The following KRTAP9-9 variants were observed in gnomAD, a reference collection of about 807,000 sequenced individuals.
The protein encoded by KRTAP9-9 is keratin associated protein 9-9, also known as keratin-associated protein 9-9.
Under a neutral mutation model 13.7 loss-of-function variants are expected in KRTAP9-9, and 12 were observed. The observed-to-expected ratio is 0.88, with a 90% CI of 0.56 to 1.42. The LOEUF is 1.42. Ranked by LOEUF, KRTAP9-9 falls within the 40% of genes most tolerant of loss-of-function variation. The pLI, the probability that KRTAP9-9 is intolerant of heterozygous loss-of-function variation, is 0.00. For synonymous variants in KRTAP9-9, 81 were observed against 78.1 expected (o/e 1.04, Z -0.19); for missense variants, 194 against 206.5 (o/e 0.94, Z 0.37).
At chr17:41,256,014 G>T (rs2016318046) in exon 1 of KRTAP9-9, 1 of 1,524,028 alleles carries the variant, frequency 6.6e-7, no homozygotes, top group East Asian at 2.3e-5. Context: ...AAATTTTTAT[G>T]AATTCTCTGC....
At chr17:41,255,466 C>A in the KRTAP9-9 span, 3 of 1,588,698 alleles carry the variant, frequency 1.9e-6, no homozygotes, top group South Asian at 3.4e-5. Flanking sequence ...TGACCACCTG[C>A]AGCAGCACAC....
chr17:41,255,553 C>T (rs1181978549), exon 1 of KRTAP9-9: 3 of 1,613,784 alleles, frequency 1.9e-6, no homozygotes, highest in East Asian at 4.5e-5. Flanking sequence ...AAAACACCTG[C>T]TGCAGGACCA....
chr17:41,256,256 T>G, exon 1 of KRTAP9-9: 1 of 359,114 alleles, frequency 2.8e-6, no homozygotes. Flanking sequence ...ATACTCATGA[T>G]TCTTGTATCC....
chr17:41,255,947 A>G (rs2016316631), exon 1 of KRTAP9-9: 2 of 1,597,230 alleles, frequency 1.3e-6, no homozygotes, highest in Non-Finnish European at 1.7e-6. Context: ...TGCTCAACTG[A>G]CTTATCTTTT....
exon 1 of KRTAP9-9, chr17:41,255,708 C>T (rs1213787085): frequency 1.2e-6 from 2 of 1,613,708 alleles, no homozygotes; most frequent in African/African-American, 1.3e-5. Context: ...TCCTGTGCAC[C>T]TGTGTACTGC....
At chr17:41,255,501 T>C in exon 1 of KRTAP9-9, 1 of 1,611,752 alleles carries the variant, frequency 6.2e-7, no homozygotes, top group Non-Finnish European at 8.5e-7. Context: ...TCCTGCTGTG[T>C]GTCTAGCTGC....
exon 1 of KRTAP9-9, chr17:41,256,200 T>C: frequency 3.7e-6 from 2 of 533,860 alleles, no homozygotes; most frequent in Non-Finnish European, 3.4e-6. Flanking sequence ...AAACTTAAGT[T>C]GCTGCAAATG....
At chr17:41,255,548 A>T in exon 1 of KRTAP9-9, 1 of 1,613,690 alleles carries the variant, frequency 6.2e-7, no homozygotes, top group Non-Finnish European at 8.5e-7. Flanking sequence ...CTGTCAAAAC[A>T]CCTGCTGCAG....
At position 41,255,686 on chromosome 17, in the gene KRTAP9-9, G is replaced by T. The variant is rs569192375; in HGVS notation, c.301G>T (p.Gly101Cys). Reference sequence around the variant, plus strand: ...CCAAACCAGCTGTGGGTCCAGCTGTGGCCAGAGCAGCTCCTGTGCACCTGT... The same window carrying T: ...CCAAACCAGCTGTGGGTCCAGCTGTTGCCAGAGCAGCTCCTGTGCACCTGT... Residue 101 changes from glycine to cysteine, a missense_variant, in exon 1 of 1, where the codon GGC (glycine) becomes TGC (cysteine). Coordinates refer to ENST00000394008, the Ensembl canonical transcript of KRTAP9-9. 1.3e-3 allele frequency: 2,092 copies of T among 1,612,872 alleles called. 26 individuals carry two copies. In the African/African-American group the frequency reaches 0.024, roughly 19 times the overall value.
chr17:41,256,159 A>C (rs1424618987), exon 1 of KRTAP9-9: 22 of 638,134 alleles, frequency 3.4e-5, no homozygotes, highest in Middle Eastern at 4.3e-4. Context: ...CTTTGACTCA[A>C]AAGTCAAGAG....
exon 1 of KRTAP9-9, chr17:41,255,384 C>A (rs577081249): frequency 1.0e-5 from 16 of 1,595,918 alleles, no homozygotes; most frequent in East Asian, 9.0e-5. Flanking sequence ...ACCCCTGACA[C>A]CATGACCCAC....
chr17:41,256,247 T>G, exon 1 of KRTAP9-9: 1 of 388,764 alleles, frequency 2.6e-6, no homozygotes, highest in East Asian at 5.2e-5. Flanking sequence ...CTTTTCAATA[T>G]ACTCATGATT....
In KRTAP9-9 at chr17:41,256,022, T is replaced by C. The variant is rs946983408; in HGVS notation, c.*127T>C. 25 of 1,515,940 alleles carry C rather than the reference T, an allele frequency of 1.6e-5. No individual in the cohort carries two copies. In the Admixed American group the frequency reaches 4.6e-4, roughly 28 times the overall value. 93.9% of individuals were successfully genotyped at this position (1,515,940 alleles called of 1,614,324 possible). On this transcript the variant is annotated 3_prime_UTR_variant, in exon 1 of 1. Transcript: ENST00000394008. ...CTCACCCAAATTTTTATGAATTCTC[T>C]GCATATTTAAAATCTTGTGAATCAG...
exon 1 of KRTAP9-9, chr17:41,255,581 T>G: frequency 1.2e-6 from 2 of 1,613,762 alleles, no homozygotes; most frequent in Non-Finnish European, 1.7e-6. Context: ...CCAGCCCACC[T>G]GTCTGACCAG....
Position 41,255,732 on chromosome 17 carries a change from A to G in KRTAP9-9, c.347A>G (p.Tyr116Cys), listed in dbSNP as rs771073194. The change falls in exon 1 of 1, where the codon TAC becomes TGC. Residue 116 changes from tyrosine (Y) to cysteine (C), a missense_variant. Tyr to Cys is a radical substitution (Grantham distance 194, BLOSUM62 -2). Coordinates refer to ENST00000394008, the Ensembl canonical transcript of KRTAP9-9. ...CCTGTGTACTGCAGAAGAACCTGCT[A>G]CTACCCGACGACTGTCTGCCTGCCT... The G allele has an allele frequency of 4.3e-6, 7 of 1,612,908 alleles. No individual in the cohort carries two copies. In the East Asian group the frequency reaches 1.6e-4, roughly 36 times the overall value.
At chr17:41,255,399 G>A in exon 1 of KRTAP9-9, 2 of 1,319,760 alleles carry the variant, frequency 1.5e-6, no homozygotes, top group Non-Finnish European at 2.0e-6. Flanking sequence ...ACCCACTGTT[G>A]CTCCCCTTGC....
At chr17:41,255,802 C>T (rs996081135) in exon 1 of KRTAP9-9, 1 of 1,613,620 alleles carries the variant, frequency 6.2e-7, no homozygotes, top group Non-Finnish European at 8.5e-7. Context: ...GCCAGCCCTG[C>T]TGCCGCCCCG....
exon 1 of KRTAP9-9, chr17:41,255,972 C>G (rs2016316938): frequency 1.3e-6 from 2 of 1,574,482 alleles, no homozygotes; most frequent in Non-Finnish European, 1.7e-6. Flanking sequence ...GACTAATTTA[C>G]CTTACTGCTG....
chr17:41,256,094 C>G, exon 1 of KRTAP9-9: 2 of 943,448 alleles, frequency 2.1e-6, no homozygotes, highest in East Asian at 2.6e-5. Flanking sequence ...TTTTCTTATA[C>G]CTTGTGAATC....
Sources: gnomAD v4.1 joint callset for allele counts on GRCh38, gnomAD v4.1.1 for gene constraint, MANE v1.5 for transcripts, NCBI Gene and HGNC (gene_info 2026-07-23, HGNC 2026-07-21) for gene names.